The following COMMD2 variants were observed in gnomAD, a reference collection of about 807,000 sequenced individuals.
COMMD2 encodes COMM domain-containing protein 2.
COMMD2 carries 25 observed loss-of-function variants against 22.5 expected under a neutral mutation model. The observed-to-expected ratio is 1.11, with a 90% CI of 0.81 to 1.55. The LOEUF is 1.55. Ranked by LOEUF, COMMD2 falls within the 40% of genes most tolerant of loss-of-function variation. COMMD2 has a pLI of 0.00. For missense variants in COMMD2, 223 were observed against 232.9 expected, an observed-to-expected ratio of 0.96 and a Z score of 0.28; for synonymous variants, 98 against 91.2, an observed-to-expected ratio of 1.07 and a Z score of -0.42.
rs185566685 is a variant in COMMD2, at chr3:149,741,431, T to C, written c.*90A>G. On this transcript the variant is annotated 3_prime_UTR_variant, in exon 5 of 5. Transcript: ENST00000473414. The stretch of plus-strand genomic sequence containing the variant: ...GAGGAATACTATGTATTTATCATCA[T>C]GAATTAATAAAAAATTAATTTTGAA... The C allele has an allele frequency of 2.2e-4, 224 of 998,720 alleles. No individual in the cohort carries two copies. The highest frequency in any genetic ancestry group is 2.9e-4 in the Non-Finnish European group (185 of 644,992). 61.9% of individuals were successfully genotyped at this position (998,720 alleles called of 1,614,324 possible).
At chr3:149,743,157 T>A (rs1192007096) in intron 4 of COMMD2, among the ~76,000 whole-genome samples, 6 of 152,132 alleles carry the variant, frequency 3.9e-5, no homozygotes, top group African/African-American at 1.4e-4. Flanking sequence ...AAACTGGGTA[T>A]CTATAACCTT....
intron 4 of COMMD2, among the ~76,000 whole-genome samples, chr3:149,745,481 T>G (rs765273214): frequency 2.0e-5 from 3 of 152,254 alleles, no homozygotes; most frequent in Non-Finnish European, 4.4e-5. Context: ...CGTTCATGCC[T>G]ATTAAAACAC....
chr3:149,743,976 G>A (rs1450381766), intron 4 of COMMD2, among the ~76,000 whole-genome samples: 1 of 151,988 alleles, frequency 6.6e-6, no homozygotes, highest in Non-Finnish European at 1.5e-5. Flanking sequence ...TTCTTTAACA[G>A]TTCTAGAAAA....
In COMMD2 at chr3:149,752,077, C is replaced by T; in HGVS notation, c.145+133G>A. On this transcript the variant is annotated intron_variant, in intron 2 of 4. Coordinates refer to ENST00000473414, the MANE Select transcript of COMMD2 (RefSeq NM_016094.4). ...CAGGATTTGCACCCTGACTGAAGAG[C>T]TCTGCTGGTTTTATTCTACTACAAT... 4.2e-6 allele frequency: 3 copies of T among 711,854 alleles called. No individual in the cohort carries two copies. The South Asian group carries it at 5.5e-5, about 13-fold the overall frequency. 44.1% of individuals were successfully genotyped at this position (711,854 alleles called of 1,614,324 possible).
In COMMD2 at chr3:149,740,923, T is replaced by C. The variant is rs1479012065; in HGVS notation, c.*598A>G. 1.3e-5 allele frequency: 2 copies of C among 152,632 alleles called. No individual in the cohort carries two copies. The highest frequency in any genetic ancestry group is 4.8e-5 in the African/African-American group (2 of 41,460). 9.5% of individuals were successfully genotyped at this position (152,632 alleles called of 1,614,324 possible). A position where few individuals can be genotyped will look rare whatever the true frequency, so the allele number is the denominator to read the frequency against. The stretch of plus-strand genomic sequence containing the variant: ...TATTTAAAATACAAAATAATGGCCA[T>C]CTGGCTAGTTCCAACGGTAGAGCAT... On this transcript the variant is annotated 3_prime_UTR_variant, in exon 5 of 5. Coordinates refer to ENST00000473414, the MANE Select transcript of COMMD2 (RefSeq NM_016094.4).
At chr3:149,751,849 G>C in intron 2 of COMMD2, 1 of 242,568 alleles carries the variant, frequency 4.1e-6, no homozygotes, top group Non-Finnish European at 7.6e-6. Context: ...TTTTTTTTTA[G>C]CAAAAGCGGA....
chr3:149,745,973 G>A (rs1576658925), intron 4 of COMMD2, among the ~76,000 whole-genome samples: 1 of 152,120 alleles, frequency 6.6e-6, no homozygotes. Flanking sequence ...TATTAGCCAT[G>A]ACCAACCAAT....
chr3:149,750,426 A>G, intron 4 of COMMD2: 1 of 525,984 alleles, frequency 1.9e-6, no homozygotes, highest in South Asian at 1.6e-5. Flanking sequence ...CTAGGCACCA[A>G]CCTAAAAAAT....
chr3:149,749,107 C>G (rs542184866), intron 4 of COMMD2, among the ~76,000 whole-genome samples: 1 of 152,082 alleles, frequency 6.6e-6, no homozygotes, highest in East Asian at 1.9e-4. Flanking sequence ...CTCGACCTCC[C>G]GGGTTCAAGC....
At chr3:149,751,818 G>C (rs952577405) in intron 2 of COMMD2, 1 of 270,662 alleles carries the variant, frequency 3.7e-6, no homozygotes, top group African/African-American at 2.4e-5. Flanking sequence ...TCTTACCCAG[G>C]GGTAAAACAA....
intron 4 of COMMD2, among the ~76,000 whole-genome samples, chr3:149,746,174 C>T (rs545185117): frequency 1.3e-5 from 2 of 152,108 alleles, no homozygotes; most frequent in Non-Finnish European, 2.9e-5. Context: ...TGCCTGACTT[C>T]TAATTTTTCA....
At position 149,751,408 on chromosome 3, in the gene COMMD2, G is replaced by A. The variant is rs1434669871; in HGVS notation, c.223C>T (p.Leu75Phe). 1.2e-6 allele frequency: 2 copies of A among 1,614,030 alleles called. No homozygotes were observed. Among genetic ancestry groups the A allele is most frequent in the African/African-American group, 1.3e-5 (1 of 75,034 alleles). The change falls in exon 3 of 5, where the codon CTC becomes TTC. Residue 75 changes from leucine (L) to phenylalanine (F), a missense_variant. By Grantham distance (22) the Leu-to-Phe change is conservative. Transcript: ENST00000473414. ...CAGTCCAGAAAATCCCTTACCATGAGCTTTGAGCTCTCAGTGAGGAGATAC... is the reference window on the plus strand; with the variant it reads ...CAGTCCAGAAAATCCCTTACCATGAACTTTGAGCTCTCAGTGAGGAGATAC... ...LTYLLTESSKLMISELDFQDS... is the reference protein window; with the variant it reads ...LTYLLTESSKFMISELDFQDS...
Position 149,740,221 on chromosome 3 carries a change from C to G in COMMD2, c.*1300G>C, listed in dbSNP as rs1174699974. 1 of 152,186 alleles carries G rather than the reference C, an allele frequency of 6.6e-6. No individual in the cohort carries two copies. Among genetic ancestry groups the G allele is most frequent in the African/African-American group, 2.4e-5 (1 of 41,446 alleles). The allele number at this position is 152,186 out of a possible 1,614,324, so 9.4% of individuals were successfully genotyped here. On this transcript the variant is annotated 3_prime_UTR_variant, in exon 5 of 5. Transcript: ENST00000473414. ...TCTGCACTCTCTCAGGCTGACCTGACAAATCAGCACCTGAGTTTTTCAGAC... is the reference window on the plus strand; with the variant it reads ...TCTGCACTCTCTCAGGCTGACCTGAGAAATCAGCACCTGAGTTTTTCAGAC...
chr3:149,742,968 A>T (rs1716275243), intron 4 of COMMD2, among the ~76,000 whole-genome samples: 2 of 143,660 alleles, frequency 1.4e-5, no homozygotes, highest in Admixed American at 6.8e-5. Context: ...TCTATCTCAA[A>T]AAAAAAAAAA....
intron 2 of COMMD2, 105 bp downstream of exon 2, chr3:149,752,105 G>A: frequency 2.1e-6 from 2 of 945,502 alleles, no homozygotes; most frequent in South Asian, 1.5e-5. Context: ...ACTACAATCG[G>A]AACAAGACCC....
Position 149,741,698 on chromosome 3 carries a change from C to A in COMMD2, c.423G>T (p.Arg141Ser). ...TAGTCACTGCTGGTTTAATCTGTTG[C>A]CTGAGACTTCTACTTGCAAGCTTGA... The part of the protein sequence containing the change: ...LDVQLASRSL[R>S]QQIKPAVTIK... The change falls in exon 5 of 5, where the codon AGG becomes AGT. Residue 141 changes from arginine (R) to serine (S), a missense_variant. Coordinates refer to ENST00000473414, the MANE Select transcript of COMMD2 (RefSeq NM_016094.4). 6.2e-7 allele frequency: 1 copy of A among 1,613,618 alleles called. No individual in the cohort carries two copies. The highest frequency in any genetic ancestry group is 8.5e-7 in the Non-Finnish European group (1 of 1,179,780).
intron 4 of COMMD2, among the ~76,000 whole-genome samples, chr3:149,748,754 C>T (rs1716445350): frequency 6.6e-6 from 1 of 152,194 alleles, no homozygotes; most frequent in African/African-American, 2.4e-5. Flanking sequence ...CCCAATAAAA[C>T]TTTATTTACA....
In COMMD2 at chr3:149,740,023, G is replaced by A. The variant is rs1439903495; in HGVS notation, c.*1498C>T. 1 of 152,156 alleles carries A rather than the reference G, an allele frequency of 6.6e-6. No individual in the cohort carries two copies. 9.4% of individuals were successfully genotyped at this position (152,156 alleles called of 1,614,324 possible). A position where few individuals can be genotyped will look rare whatever the true frequency, so the allele number is the denominator to read the frequency against. ...TGATATGAAAATCCCTAATTCTTAC[G>A]AAGCAAAGTATTGACAAAGTCTAGA... is the stretch of plus-strand genomic sequence containing the variant. On this transcript the variant is annotated 3_prime_UTR_variant, in exon 5 of 5. Transcript: ENST00000473414.
rs1424396206 is a variant in COMMD2 at position 149,741,687 on chromosome 3, T to C, written c.434A>G (p.Lys145Arg). 6.2e-7 allele frequency: 1 copy of C among 1,613,890 alleles called. No individual in the cohort carries two copies. Among genetic ancestry groups the C allele is most frequent in the African/African-American group, 1.3e-5 (1 of 74,904 alleles). ...LASRSLRQQI[K>R]PAVTIKLHLN... Reference sequence around the variant, plus strand: ...GTGTAGCTTTATAGTCACTGCTGGTTTAATCTGTTGCCTGAGACTTCTACT... The same window carrying C: ...GTGTAGCTTTATAGTCACTGCTGGTCTAATCTGTTGCCTGAGACTTCTACT... The change falls in exon 5 of 5, where the codon AAA becomes AGA. Residue 145 changes from lysine (K) to arginine (R), a missense_variant. By Grantham distance (26) the Lys-to-Arg change is conservative. Coordinates refer to ENST00000473414, the MANE Select transcript of COMMD2 (RefSeq NM_016094.4).
Sources: gnomAD v4.1 joint callset for allele counts (sites outside exome capture counted in the v4.1 genomes callset) on GRCh38, gnomAD v4.1.1 for gene constraint, MANE v1.5 for transcripts, NCBI Gene and HGNC (gene_info 2026-07-23, HGNC 2026-07-21) for gene names.